The following PEX7 variants were observed in gnomAD, a reference collection of about 807,000 sequenced individuals.
PEX7 encodes PTS2 receptor.
Under a neutral mutation model 47.5 loss-of-function variants are expected in PEX7, and 34 were observed. The observed-to-expected ratio is 0.72, with a 90% confidence interval of 0.54 to 0.95. The LOEUF is 0.95. PEX7 is among the 40% of genes least tolerant of loss of function. The probability of loss-of-function intolerance (pLI) is 0.00; values close to 1 mark genes in which losing one functional copy is unlikely to be tolerated. For synonymous variants in PEX7, 141 were observed against 148.8 expected, an observed-to-expected ratio of 0.95 and a Z score of 0.38; for missense variants, 394 against 400.3, an observed-to-expected ratio of 0.98 and a Z score of 0.13.
intron 3 of PEX7, among the ~76,000 whole-genome samples, chr6:136,843,931 T>A (rs564640207): frequency 6.6e-6 from 1 of 152,240 alleles, no homozygotes; most frequent in African/African-American, 2.4e-5. Flanking sequence ...AACTTGATAA[T>A]CAAGATAATT....
intron 8 of PEX7, among the ~76,000 whole-genome samples, 156 bp downstream of exon 8, chr6:136,872,409 C>T (rs1396110701): frequency 6.6e-6 from 1 of 151,804 alleles, no homozygotes; most frequent in Non-Finnish European, 1.5e-5. Flanking sequence ...TATATTTTTC[C>T]TGTTTTCGTG....
chr6:136,858,745 T>C (rs1167135187), intron 5 of PEX7, among the ~76,000 whole-genome samples: 2 of 152,226 alleles, frequency 1.3e-5, no homozygotes, highest in South Asian at 4.1e-4. Context: ...AACTCTTTTT[T>C]TAAAAATCTA....
intron 8 of PEX7, among the ~76,000 whole-genome samples, chr6:136,894,317 G>A (rs1313432366): frequency 6.8e-6 from 1 of 147,768 alleles, no homozygotes; most frequent in Non-Finnish European, 1.5e-5. Context: ...ATTAGCAGGG[G>A]ATGGTGGCAC....
chr6:136,901,871 C>T (rs571966100), intron 9 of PEX7, among the ~76,000 whole-genome samples: 5 of 152,246 alleles, frequency 3.3e-5, no homozygotes, highest in African/African-American at 9.6e-5. Context: ...CTGCAGCCTC[C>T]GTCTTCTGGG....
chr6:136,892,759 A>G (rs941776948), intron 8 of PEX7, among the ~76,000 whole-genome samples: 1 of 152,266 alleles, frequency 6.6e-6, no homozygotes, highest in African/African-American at 2.4e-5. Context: ...AAATATTATG[A>G]GTACTATGAA....
At chr6:136,866,968 G>A (rs1022263350) in intron 6 of PEX7, among the ~76,000 whole-genome samples, 2 of 152,088 alleles carry the variant, frequency 1.3e-5, no homozygotes, top group African/African-American at 4.8e-5. Flanking sequence ...CAACAGTGCA[G>A]GCTTACTTGT....
At chr6:136,836,702 C>T (rs1774390229) in intron 3 of PEX7, among the ~76,000 whole-genome samples, 4 of 152,140 alleles carry the variant, frequency 2.6e-5, no homozygotes, top group Admixed American at 6.5e-5. Flanking sequence ...CCTGTAATCC[C>T]AGCACTTTGG....
intron 5 of PEX7, among the ~76,000 whole-genome samples, chr6:136,853,635 A>G (rs1774801615): frequency 6.6e-6 from 1 of 152,186 alleles, no homozygotes; most frequent in Admixed American, 6.5e-5. Context: ...TATTAGGTTG[A>G]AAATACTCAG....
chr6:136,866,744 T>G lies in PEX7; in HGVS notation c.633+11T>G, dbSNP rs778278151. On this transcript the variant is annotated intron_variant, in intron 6 of 9. Coordinates refer to ENST00000318471, the MANE Select transcript of PEX7 (RefSeq NM_000288.4). The stretch of plus-strand genomic sequence containing the variant: ...TGTAAATACAATGAGGTATAGTGTA[T>G]GGCTCTATCCTATGCTGCTGTCCTT... 1.9e-6 allele frequency: 3 copies of G among 1,595,196 alleles called. No homozygotes were observed. The Admixed American group carries it at 5.0e-5, about 27-fold the overall frequency.
At chr6:136,878,341 G>A (rs1184950753) in intron 8 of PEX7, among the ~76,000 whole-genome samples, 1 of 152,130 alleles carries the variant, frequency 6.6e-6, no homozygotes, top group Admixed American at 6.5e-5. Flanking sequence ...CCAATACTAT[G>A]TTGAATAGGA....
chr6:136,864,383 A>G (rs538494305), intron 5 of PEX7, among the ~76,000 whole-genome samples: 14 of 152,120 alleles, frequency 9.2e-5, no homozygotes, highest in Non-Finnish European at 1.8e-4. Flanking sequence ...TACTCATGCT[A>G]CTACCTTGTC....
At chr6:136,831,497 A>G (rs1352365850) in intron 3 of PEX7, among the ~76,000 whole-genome samples, 1 of 152,180 alleles carries the variant, frequency 6.6e-6, no homozygotes, top group Non-Finnish European at 1.5e-5. Context: ...TGTCTTTTTC[A>G]CATTTCAAAA....
chr6:136,891,791 C>A (rs1775559932), intron 8 of PEX7, among the ~76,000 whole-genome samples: 1 of 152,122 alleles, frequency 6.6e-6, no homozygotes, highest in South Asian at 2.1e-4. Context: ...TAGACATCCA[C>A]CACCATCCAT....
At chr6:136,878,973 AAATT>A (rs1405087538) in intron 8 of PEX7, among the ~76,000 whole-genome samples, 3 of 152,016 alleles carry the variant, frequency 2.0e-5, no homozygotes, top group Non-Finnish European at 4.4e-5. Context: ...TTTCTGAAAA[AAATT>A]AACCGTTTAT....
At chr6:136,883,165 A>G (rs1005852103) in intron 8 of PEX7, among the ~76,000 whole-genome samples, 1 of 152,206 alleles carries the variant, frequency 6.6e-6, no homozygotes, top group South Asian at 2.1e-4. Context: ...TCCGAGTGGA[A>G]TGAAATGTTT....
chr6:136,911,635 G>C (rs1329687622), intron 9 of PEX7, among the ~76,000 whole-genome samples: 2 of 152,078 alleles, frequency 1.3e-5, no homozygotes, highest in Non-Finnish European at 2.9e-5. Context: ...TCAAACTCCT[G>C]ACCTGAGGTG....
At chr6:136,851,427 T>C (rs1774754927) in intron 5 of PEX7, among the ~76,000 whole-genome samples, 1 of 65,940 alleles carries the variant, frequency 1.5e-5, no homozygotes, top group African/African-American at 6.4e-5. Flanking sequence ...TGGTTCCAAG[T>C]CTTTGCTATT....
intron 9 of PEX7, among the ~76,000 whole-genome samples, chr6:136,899,145 A>G (rs1775708374): frequency 6.9e-6 from 1 of 144,428 alleles, no homozygotes; most frequent in African/African-American, 2.5e-5. Flanking sequence ...CAGTGGTGCA[A>G]TCTTGGCTCA....
chr6:136,895,013 T>C (rs1199929753), intron 8 of PEX7, among the ~76,000 whole-genome samples: 4 of 152,228 alleles, frequency 2.6e-5, no homozygotes, highest in South Asian at 2.1e-4. Flanking sequence ...ATAGCACTTA[T>C]GGGATGTTTG....
Sources: gnomAD v4.1 joint callset for allele counts (sites outside exome capture counted in the v4.1 genomes callset) on GRCh38, gnomAD v4.1.1 for gene constraint, MANE v1.5 for transcripts, NCBI Gene and HGNC (gene_info 2026-07-23, HGNC 2026-07-21) for gene names.